Variants in UPF3A observed in about 807,000 individuals in gnomAD.
UPF3A encodes the protein regulator of nonsense transcripts 3A.
UPF3A carries 42 observed loss-of-function variants against 53.5 expected under a neutral mutation model. The observed-to-expected ratio is 0.78, with a 90% confidence interval of 0.61 to 1.01. UPF3A has a LOEUF of 1.01. Among genes scored for constraint, UPF3A ranks in the 50% least tolerant of loss-of-function variants. The pLI, the probability that UPF3A is intolerant of heterozygous loss-of-function variation, is 0.00. For synonymous variants in UPF3A, 237 were observed against 225.3 expected (o/e 1.05, Z -0.47); for missense variants, 575 against 598.0 (o/e 0.96, Z 0.40).
At chr13:114,285,234 C>T (rs1042333007) in intron 3 of UPF3A, 1 of 152,230 alleles carries the variant, frequency 6.6e-6, no homozygotes, top group Non-Finnish European at 1.5e-5. Flanking sequence ...TTTCAAAAAT[C>T]AGTTGACCAA....
intron 5 of UPF3A, among the ~76,000 whole-genome samples, chr13:114,289,384 C>T (rs937070862): frequency 3.9e-5 from 6 of 151,922 alleles, no homozygotes; most frequent in Admixed American, 6.6e-5. Context: ...ATTAGCTGGG[C>T]GTGGTAGCAT....
At chr13:114,301,534 C>T (rs2086606374) in intron 8 of UPF3A, among the ~76,000 whole-genome samples, 197 bp from the exon 9 acceptor site, 1 of 151,760 alleles carries the variant, frequency 6.6e-6, no homozygotes, top group African/African-American at 2.4e-5. Context: ...ATGACAGATA[C>T]TATTACTATG....
rs1484895624 is a variant in UPF3A, at chr13:114,291,798, T to C, written c.846+6T>C. 1.3e-6 allele frequency: 2 copies of C among 1,574,560 alleles called. No homozygotes were observed. The highest frequency in any genetic ancestry group is 3.9e-5 in the Admixed American group (2 of 50,850). On this transcript the variant is annotated splice_donor_region_variant and intron_variant, in intron 7 of 9. Transcript: ENST00000375299. ...AGAAAGAAGTAAGGATTAAGGTAAT[T>C]CTGAGGAAACATTTCCTTTTTCCAA...
intron 7 of UPF3A, among the ~76,000 whole-genome samples, chr13:114,294,370 G>A (rs987307843): frequency 5.9e-5 from 9 of 151,658 alleles, no homozygotes; most frequent in African/African-American, 2.2e-4. Flanking sequence ...CCAGGCTCAA[G>A]TGATCCTCCC....
At position 114,291,743 on chromosome 13, in the gene UPF3A, A is replaced by G. The variant is rs755220838; in HGVS notation, c.797A>G (p.Lys266Arg). 7 of 1,598,574 alleles carry G rather than the reference A, an allele frequency of 4.4e-6. 1 individual carries two copies. The South Asian group carries it at 4.5e-5, about 10-fold the overall frequency. ...AGAGAAGAAGAAAGATGCAAAAAAA[A>G]AGAGACAGATAAACAGAAGAAAATT... Reference protein sequence around the residue: ...RRREEERCKKKETDKQKKIAE... With the variant: ...RRREEERCKKRETDKQKKIAE... The change falls in exon 7 of 10, where the codon AAA becomes AGA. Residue 266 changes from lysine (K) to arginine (R), a missense_variant. This residue lies in a region of UPF3A where 323 missense variants were observed against 415.2 expected (regional missense o/e 0.78). Transcript: ENST00000375299.
chr13:114,283,022 T>A (rs964568800), intron 3 of UPF3A, 79 bp downstream of exon 3: 25 of 1,123,396 alleles, frequency 2.2e-5, no homozygotes, highest in Non-Finnish European at 3.1e-5. Context: ...TCGTGCTTTT[T>A]AAATTATTAT....
In UPF3A at chr13:114,301,224, G is replaced by C. The variant is rs184474805; in HGVS notation, c.1008-507G>C. On this transcript the variant is annotated intron_variant, in intron 8 of 9. Coordinates refer to ENST00000375299, the MANE Select transcript of UPF3A (RefSeq NM_023011.4). ...CACCTGTAATCCCAGCACTTTGGGA[G>C]GCCAAGATGGGCATATCATAAGGTC... Among the ~76,000 whole-genome samples the C allele has an allele frequency of 2.5e-3, 373 of 152,196 alleles. 1 individual carries two copies. Among genetic ancestry groups the C allele is most frequent in the African/African-American group, 8.8e-3 (365 of 41,532 alleles).
intron 7 of UPF3A, among the ~76,000 whole-genome samples, chr13:114,297,152 A>G (rs1264030323): frequency 6.6e-6 from 1 of 151,808 alleles, no homozygotes; most frequent in Non-Finnish European, 1.5e-5. Context: ...TGCAATTATG[A>G]GTGAGAACAG....
intron 7 of UPF3A, among the ~76,000 whole-genome samples, chr13:114,295,370 G>GTGTGCTCCCCAGCT (rs2085814022): frequency 1.5e-5 from 2 of 133,126 alleles, no homozygotes; most frequent in African/African-American, 5.8e-5. Context: ...AGCGGCTCTG[G>GTGTGCTCCCCAGCT]CGTGCTCCCC....
rs756928260 is a variant in UPF3A at position 114,291,757 on chromosome 13, C to CA, written c.812dup (p.Lys272GlufsTer11). 1.9e-6 allele frequency: 3 copies of CA among 1,590,978 alleles called. No individual in the cohort carries two copies. In the South Asian group the frequency reaches 3.5e-5, roughly 18 times the overall value. On this transcript the variant is annotated frameshift_variant, in exon 7 of 10. Coordinates refer to ENST00000375299, the MANE Select transcript of UPF3A (RefSeq NM_023011.4). LOFTEE classifies it high-confidence loss of function. ...ATGCAAAAAAAAAGAGACAGATAAACAGAAGAAAATTGCAGAGAAAGAAGT... is the reference window on the plus strand; with the variant it reads ...ATGCAAAAAAAAAGAGACAGATAAACAAGAAGAAAATTGCAGAGAAAGAAGT...
chr13:114,296,294 AATCGCTTGAACC>A (rs2086006568), intron 7 of UPF3A, among the ~76,000 whole-genome samples: 1 of 152,154 alleles, frequency 6.6e-6, no homozygotes, highest in African/African-American at 2.4e-5. Context: ...GAGGCAGAAG[AATCGCTTGAACC>A]CAGGAGGCGA....
At chr13:114,292,017 C>T (rs1057331422) in intron 7 of UPF3A, among the ~76,000 whole-genome samples, 4 of 151,956 alleles carry the variant, frequency 2.6e-5, no homozygotes, top group Non-Finnish European at 5.9e-5. Flanking sequence ...GGTGCCTGTC[C>T]TCCTGGGTGT....
intron 5 of UPF3A, among the ~76,000 whole-genome samples, chr13:114,290,734 C>CTTTTTTTTTTTTTTTTTTTTTTT (rs112441605): frequency 7.2e-6 from 1 of 138,424 alleles, no homozygotes. Context: ...TCTTTTTTTT[C>CTTTTTTTTTTTTTTTTTTTTTTT]TTTTTTTTTT....
intron 7 of UPF3A, 151 bp from the exon 8 acceptor site, chr13:114,298,689 C>G (rs1272677549): frequency 2.5e-6 from 2 of 795,120 alleles, no homozygotes; most frequent in African/African-American, 1.8e-5. Flanking sequence ...ACGTATTAAA[C>G]CAAAAACCTC....
chr13:114,289,914 A>G (rs1355978898), intron 5 of UPF3A, among the ~76,000 whole-genome samples: 1 of 152,232 alleles, frequency 6.6e-6, no homozygotes, highest in African/African-American at 2.4e-5. Context: ...AAGGTGGGCA[A>G]GCGGAGTCTG....
intron 7 of UPF3A, among the ~76,000 whole-genome samples, chr13:114,296,472 T>TAC (rs1429524552): frequency 1.3e-5 from 2 of 152,188 alleles, no homozygotes; most frequent in African/African-American, 2.4e-5. Flanking sequence ...CAAGTACCAC[T>TAC]ACACCATACC....
chr13:114,283,107 TCA>T (rs908150215), intron 3 of UPF3A, 164 bp downstream of exon 3: 1 of 546,630 alleles, frequency 1.8e-6, no homozygotes. Flanking sequence ...CACTGCAGCC[TCA>T]CACTGCGGCT....
intron 5 of UPF3A, among the ~76,000 whole-genome samples, chr13:114,289,206 C>T (rs1566739627): frequency 1.3e-5 from 2 of 152,046 alleles, no homozygotes; most frequent in South Asian, 4.1e-4. Flanking sequence ...TTCCTTGTTT[C>T]TGTGATTGCT....
chr13:114,289,820 T>A (rs1239877422), intron 5 of UPF3A, among the ~76,000 whole-genome samples: 1 of 152,240 alleles, frequency 6.6e-6, no homozygotes, highest in African/African-American at 2.4e-5. Flanking sequence ...TTTTATGATG[T>A]GTAGAACACT....
Sources: gnomAD v4.1 joint callset for allele counts (sites outside exome capture counted in the v4.1 genomes callset) on GRCh38, gnomAD v4.1.1 for gene constraint, gnomAD v4.1.1 regional missense constraint, MANE v1.5 for transcripts, NCBI Gene and HGNC (gene_info 2026-07-23, HGNC 2026-07-21) for gene names.